RBM6: variants seen among roughly 807,000 people sequenced by gnomAD.
RBM6 encodes RNA binding motif protein 6, also known as RNA-binding protein 6.
A neutral mutation model predicts 140.4 loss-of-function variants in RBM6; 23 were observed. The observed-to-expected ratio is 0.16, with a 90% confidence interval of 0.12 to 0.23. RBM6 has a LOEUF of 0.23. RBM6 is among the 10% of genes least tolerant of loss of function. RBM6 has a pLI of 1.00. For synonymous variants in RBM6, 439 were observed against 475.6 expected (o/e 0.92, Z 1.00); for missense variants, 1,139 against 1,386.7 (o/e 0.82, Z 2.84).
At chr3:50,018,425 C>T (rs1417782944) in intron 6 of RBM6, among the ~76,000 whole-genome samples, 2 of 152,136 alleles carry the variant, frequency 1.3e-5, no homozygotes, top group African/African-American at 2.4e-5. Context: ...TTTATTCATT[C>T]ACCTACTAAA....
intron 6 of RBM6, among the ~76,000 whole-genome samples, chr3:50,042,696 A>G (rs991217976): frequency 6.6e-6 from 1 of 152,106 alleles, no homozygotes; most frequent in African/African-American, 2.4e-5. Flanking sequence ...TGATTGCACC[A>G]CTGTGCTCTA....
At position 49,955,536 on chromosome 3, in the gene RBM6, TAC is replaced by T. The variant is rs537165489; in HGVS notation, c.-66-7038_-66-7037del. 3.9e-5 allele frequency among the ~76,000 whole-genome samples: 6 copies of T among 152,164 alleles called. No individual in the cohort carries two copies. The South Asian group carries it at 1.2e-3, about 32-fold the overall frequency. On this transcript the variant is annotated intron_variant, in intron 1 of 20. Coordinates refer to ENST00000266022, the MANE Select transcript of RBM6 (RefSeq NM_005777.3). Reference sequence around the variant, plus strand: ...CCTTAGACTCCCGAGTAGCTGGGATTACAGTTTTTAAAAAATGTATCCTAGGC... The same window carrying T: ...CCTTAGACTCCCGAGTAGCTGGGATTAGTTTTTAAAAAATGTATCCTAGGC...
At chr3:49,975,235 T>G (rs1369031284) in intron 4 of RBM6, 88 bp from the exon 5 acceptor site, 4 of 1,146,766 alleles carry the variant, frequency 3.5e-6, no homozygotes, top group Non-Finnish European at 5.3e-6. Flanking sequence ...GGCTTTAAAT[T>G]ATGTATGATA....
rs927087636 is a variant in RBM6, at chr3:50,016,414, G to A, written c.1557+16901G>A. ...TACTGCAGTGAACATGGGAATGCAG[G>A]TATCTCTCAGACATAATGATTTCAG... On this transcript the variant is annotated intron_variant, in intron 6 of 20. Coordinates refer to ENST00000266022, the MANE Select transcript of RBM6 (RefSeq NM_005777.3). 2.6e-5 allele frequency among the ~76,000 whole-genome samples: 4 copies of A among 152,104 alleles called. No individual in the cohort carries two copies. The East Asian group carries it at 7.7e-4, about 29-fold the overall frequency.
intron 5 of RBM6, among the ~76,000 whole-genome samples, chr3:49,980,969 A>G (rs1271786975): frequency 6.6e-6 from 1 of 151,268 alleles, no homozygotes; most frequent in African/African-American, 2.4e-5. Flanking sequence ...GTGGCGCGAT[A>G]TCGGCTCACT....
At chr3:50,033,288 C>T (rs908602647) in intron 6 of RBM6, among the ~76,000 whole-genome samples, 1 of 152,040 alleles carries the variant, frequency 6.6e-6, no homozygotes, top group Non-Finnish European at 1.5e-5. Flanking sequence ...CAGAGTGAGA[C>T]TCTGTCTCGA....
chr3:50,061,759 T>G (rs2089952112), intron 14 of RBM6: 2 of 1,326,358 alleles, frequency 1.5e-6, no homozygotes, highest in African/African-American at 3.0e-5. Context: ...GTAAGAACAG[T>G]GTTGCTCTTG....
intron 1 of RBM6, among the ~76,000 whole-genome samples, chr3:49,960,362 CTT>C (rs2084228467): frequency 2.6e-5 from 4 of 152,136 alleles, no homozygotes; most frequent in Admixed American, 2.0e-4. Flanking sequence ...ACCTTTGACT[CTT>C]TTCTAAAACT....
intron 6 of RBM6, among the ~76,000 whole-genome samples, chr3:50,032,272 A>G (rs1278241915): frequency 6.6e-6 from 1 of 151,262 alleles, no homozygotes; most frequent in Non-Finnish European, 1.5e-5. Flanking sequence ...CATGAGATCA[A>G]GAGATGGAGA....
chr3:49,968,106 C>T lies in RBM6; in HGVS notation c.681C>T (p.Asp227=). ...ATGTATCTGATTTGGACTTTAGAGACAAAGACGGAACACAAGTAGACTTTA... is the reference window on the plus strand; with the variant it reads ...ATGTATCTGATTTGGACTTTAGAGATAAAGACGGAACACAAGTAGACTTTA... ...NRDVSDLDFR[D]KDGTQVDFRG... The change falls in exon 3 of 21, where the codon GAC becomes GAT. Residue 227 remains aspartate (D), a synonymous_variant. Transcript: ENST00000266022. 2 of 1,614,134 alleles carry T rather than the reference C, an allele frequency of 1.2e-6. No homozygotes were observed. Among genetic ancestry groups the T allele is most frequent in the Non-Finnish European group, 1.7e-6 (2 of 1,180,030 alleles).
intron 4 of RBM6, among the ~76,000 whole-genome samples, chr3:49,972,373 A>G (rs2084837726): frequency 6.6e-6 from 1 of 152,170 alleles, no homozygotes; most frequent in East Asian, 1.9e-4. Context: ...TTCAGATTTC[A>G]CCATTTATAC....
chr3:49,960,752 T>A (rs2108613371), intron 1 of RBM6, among the ~76,000 whole-genome samples: 2 of 152,282 alleles, frequency 1.3e-5, no homozygotes, highest in Middle Eastern at 3.4e-3. Flanking sequence ...TCATGCTGGA[T>A]GGTGTCCGAT....
chr3:50,010,782 A>G (rs1020960152), intron 6 of RBM6, among the ~76,000 whole-genome samples: 35 of 149,186 alleles, frequency 2.3e-4, no homozygotes, highest in African/African-American at 8.4e-4. Context: ...GTGTTCCTGT[A>G]GTCCCAGCTA....
intron 4 of RBM6, among the ~76,000 whole-genome samples, chr3:49,973,944 C>T (rs1453217370): frequency 1.3e-5 from 2 of 151,962 alleles, no homozygotes; most frequent in African/African-American, 4.8e-5. Flanking sequence ...GTCACCCAGG[C>T]TGGAGTGCAG....
At chr3:50,051,786 A>C (rs2089479023) in intron 7 of RBM6, among the ~76,000 whole-genome samples, 1 of 152,272 alleles carries the variant, frequency 6.6e-6, no homozygotes, top group African/African-American at 2.4e-5. Context: ...ATGGATGAAC[A>C]AGTTGGCATA....
intron 6 of RBM6, chr3:50,047,246 C>G: frequency 1.0e-6 from 1 of 984,776 alleles, no homozygotes; most frequent in Non-Finnish European, 1.2e-6. Context: ...TAACTCAGAG[C>G]CCTGTCTGAG....
At chr3:50,023,498 A>G (rs1226868403) in intron 6 of RBM6, among the ~76,000 whole-genome samples, 1 of 151,772 alleles carries the variant, frequency 6.6e-6, no homozygotes, top group South Asian at 2.1e-4. Flanking sequence ...TTGAGCCACA[A>G]AGTATTTGAA....
intron 6 of RBM6, among the ~76,000 whole-genome samples, chr3:50,000,335 GTTTTTTTTTTC>G (rs2086263418): frequency 8.2e-6 from 1 of 121,238 alleles, no homozygotes; most frequent in Non-Finnish European, 1.8e-5. Flanking sequence ...AGTTTGATGT[GTTTTTTTTTTC>G]TTTTTTTTTT....
chr3:49,975,411 A>G lies in RBM6; in HGVS notation c.1483+19A>G, dbSNP rs1408293233. On this transcript the variant is annotated intron_variant, in intron 5 of 20. Transcript: ENST00000266022. ...AACACAGGTGAGTTTCTTGACTTGC[A>G]TATGGCCTTGGGTTAGGAAGGGTCT... 6 of 1,592,142 alleles carry G rather than the reference A, an allele frequency of 3.8e-6. No individual in the cohort carries two copies. The highest frequency in any genetic ancestry group is 4.5e-5 in the East Asian group (2 of 44,756).
Sources: gnomAD v4.1 joint callset for allele counts (sites outside exome capture counted in the v4.1 genomes callset) on GRCh38, gnomAD v4.1.1 for gene constraint, MANE v1.5 for transcripts, NCBI Gene and HGNC (gene_info 2026-07-23, HGNC 2026-07-21) for gene names.